Variants in IL10RA observed in about 807,000 individuals in gnomAD.
IL10RA encodes interleukin 10 receptor subunit alpha.
Under a neutral mutation model 29.6 loss-of-function variants are expected in IL10RA, and 18 were observed. That is an observed-to-expected ratio of 0.61 (90% CI 0.42 to 0.90). The LOEUF is 0.90. Among genes scored for constraint, IL10RA ranks in the 40% least tolerant of loss-of-function variants. The pLI, the probability that IL10RA is intolerant of heterozygous loss-of-function variation, is 0.00. For missense variants in IL10RA, 634 were observed against 716.6 expected, an observed-to-expected ratio of 0.88 and a Z score of 1.32; for synonymous variants, 292 against 294.1, an observed-to-expected ratio of 0.99 and a Z score of 0.07.
intron 6 of IL10RA, among the ~76,000 whole-genome samples, chr11:117,996,833 T>TC (rs1470879191): frequency 3.3e-5 from 5 of 152,212 alleles, no homozygotes; most frequent in African/African-American, 1.2e-4. Flanking sequence ...TATGCCCACC[T>TC]CGGCCTCCCA....
rs202121581 is a variant in IL10RA, at chr11:117,995,685, G to A, written c.785G>A (p.Arg262His). 103 of 1,613,732 alleles carry A rather than the reference G, an allele frequency of 6.4e-5. No individual in the cohort carries two copies. Among genetic ancestry groups the A allele is most frequent in the Non-Finnish European group, 7.7e-5 (91 of 1,180,036 alleles). The change falls in exon 6 of 7, where the codon CGC becomes CAC. Residue 262 changes from arginine to histidine, a missense_variant. By Grantham distance (29) the Arg-to-His change is conservative. Coordinates refer to ENST00000227752, the MANE Select transcript of IL10RA (RefSeq NM_001558.4). ...YCLALQLYVR[R>H]RKKLPSVLLF... ...CTGGCCCTCCAGCTGTATGTGCGGC[G>A]CCGAAAGAAGCTACCCAGTGTCCTG...
intron 5 of IL10RA, among the ~76,000 whole-genome samples, chr11:117,994,630 G>T (rs980914297): frequency 6.6e-6 from 1 of 152,206 alleles, no homozygotes; most frequent in African/African-American, 2.4e-5. Flanking sequence ...GGGGCTGTAG[G>T]GGGAGGGAGA....
intron 1 of IL10RA, 36 bp from the exon 2 acceptor site, chr11:117,988,346 C>G: frequency 6.2e-7 from 1 of 1,613,648 alleles, no homozygotes. Flanking sequence ...TGCCTGCCCC[C>G]CCTCCCAGCT....
At chr11:117,993,581 G>C (rs1202290255) in intron 4 of IL10RA, among the ~76,000 whole-genome samples, 171 bp downstream of exon 4, 1 of 152,204 alleles carries the variant, frequency 6.6e-6, no homozygotes, top group Non-Finnish European at 1.5e-5. Flanking sequence ...TCAGAGCTAT[G>C]CTCTTGTGAG....
At chr11:117,994,248 G>A in intron 5 of IL10RA, 99 bp downstream of exon 5, 2 of 991,972 alleles carry the variant, frequency 2.0e-6, no homozygotes, top group Non-Finnish European at 3.1e-6. Flanking sequence ...CAGCCACTGT[G>A]TTAGGTGCTG....
In IL10RA at chr11:117,989,493, C is replaced by G; in HGVS notation, c.240C>G (p.Ser80=). ...NSISNCSQTL[S]YDLTAVTLDL... ...TCTCCAACTGTAGCCAGACCCTGTC[C>G]TATGACCTTACCGCAGTGACCTTGG... The change falls in exon 3 of 7, where the codon TCC becomes TCG. Residue 80 remains serine, a synonymous_variant. Coordinates refer to ENST00000227752, the MANE Select transcript of IL10RA (RefSeq NM_001558.4). The surrounding 1 kb of genome is among the most constrained non-coding windows in gnomAD (Gnocchi z 4.5). 6.2e-7 allele frequency: 1 copy of G among 1,614,200 alleles called. No homozygotes were observed. The highest frequency in any genetic ancestry group is 8.5e-7 in the Non-Finnish European group (1 of 1,180,022).
rs1263659236 is a variant in IL10RA, at chr11:118,000,475, T to C, written c.*834T>C. ...CAACTTCCAGAGAAGCCATGGTTTTTTGTATTGGTCATAACTCAGCCCTTT... is the reference window on the plus strand; with the variant it reads ...CAACTTCCAGAGAAGCCATGGTTTTCTGTATTGGTCATAACTCAGCCCTTT... On this transcript the variant is annotated 3_prime_UTR_variant, in exon 7 of 7. Coordinates refer to ENST00000227752, the MANE Select transcript of IL10RA (RefSeq NM_001558.4). The C allele has an allele frequency of 2.2e-6, 1 of 454,300 alleles. No individual in the cohort carries two copies. The highest frequency in any genetic ancestry group is 6.9e-5 in the East Asian group (1 of 14,524). The allele number at this position is 454,300 out of a possible 1,614,324, so 28.1% of individuals were successfully genotyped here. A position where few individuals can be genotyped will look rare whatever the true frequency, so the allele number is the denominator to read the frequency against.
chr11:117,998,504 A>G lies in IL10RA; in HGVS notation c.811-211A>G, dbSNP rs4252288. Among the ~76,000 whole-genome samples the G allele has an allele frequency of 6.1e-3, 924 of 152,336 alleles. 8 individuals are homozygous for G. The highest frequency in any genetic ancestry group is 0.021 in the African/African-American group (884 of 41,564). ...TGTTACTCCATCTGGGCCTGAGAAT[A>G]CAAGTTTCTTGTGTATCTGGCCTGA... On this transcript the variant is annotated intron_variant, in intron 6 of 6. Coordinates refer to ENST00000227752, the MANE Select transcript of IL10RA (RefSeq NM_001558.4).
chr11:118,000,915 T>A lies in IL10RA; in HGVS notation c.*1274T>A. 2.2e-6 allele frequency: 1 copy of A among 454,228 alleles called. No individual in the cohort carries two copies. Among genetic ancestry groups the A allele is most frequent in the Non-Finnish European group, 4.4e-6 (1 of 226,786 alleles). 28.1% of individuals were successfully genotyped at this position (454,228 alleles called of 1,614,324 possible). A position where few individuals can be genotyped will look rare whatever the true frequency, so the allele number is the denominator to read the frequency against. ...GGGCATTATGGGCCCTGCCTCCCCA[T>A]AGGCCATTTGGACTCTGCCTTCAAA... is the stretch of plus-strand genomic sequence containing the variant. On this transcript the variant is annotated 3_prime_UTR_variant, in exon 7 of 7. Coordinates refer to ENST00000227752, the MANE Select transcript of IL10RA (RefSeq NM_001558.4).
intron 5 of IL10RA, among the ~76,000 whole-genome samples, chr11:117,994,644 T>C (rs1000683678): frequency 1.3e-5 from 2 of 152,146 alleles, no homozygotes; most frequent in Non-Finnish European, 2.9e-5. Flanking sequence ...AGGGAGATAA[T>C]AGAGGACATG....
intron 1 of IL10RA, chr11:117,987,977 C>T: frequency 3.4e-6 from 1 of 291,414 alleles, no homozygotes; most frequent in Non-Finnish European, 6.8e-6. Flanking sequence ...CTGGGCCAAG[C>T]CAGGGTGGGG....
rs1330714604 is a variant in IL10RA at position 117,989,749 on chromosome 11, TGCCCAAACAGG to T, written c.367+132_367+142del. The T allele has an allele frequency of 1.1e-6, 1 of 948,290 alleles. No homozygotes were observed. Among genetic ancestry groups the T allele is most frequent in the African/African-American group, 1.6e-5 (1 of 61,716 alleles). 58.7% of individuals were successfully genotyped at this position (948,290 alleles called of 1,614,324 possible). A position where few individuals can be genotyped will look rare whatever the true frequency, so the allele number is the denominator to read the frequency against. On this transcript the variant is annotated intron_variant, in intron 3 of 6. Transcript: ENST00000227752. This position sits in a 1 kb window ranked among gnomAD's most constrained non-coding sequence, Gnocchi z 4.5. The stretch of plus-strand genomic sequence containing the variant: ...CAGCCTCCCTGGCCGGAGAACTAGT[TGCCCAAACAGG>T]GCAGGACTTTGGAGAATGTTAGATA...
At chr11:117,991,272 CAAGT>C (rs1448465627) in intron 3 of IL10RA, among the ~76,000 whole-genome samples, 3 of 152,040 alleles carry the variant, frequency 2.0e-5, no homozygotes, top group Non-Finnish European at 4.4e-5. Flanking sequence ...TTTTAATTGA[CAAGT>C]AATAATTCTA....
chr11:117,986,619 GC>G (rs2057988522), intron 1 of IL10RA, 85 bp downstream of exon 1: 1 of 1,543,112 alleles, frequency 6.5e-7, no homozygotes. Context: ...GAGAGCCCTG[GC>G]TGGCTGGCCC....
In IL10RA at chr11:117,989,395, G is replaced by A. The variant is rs564625375; in HGVS notation, c.189-47G>A. 1.3e-6 allele frequency: 2 copies of A among 1,557,640 alleles called. No individual in the cohort carries two copies. The highest frequency in any genetic ancestry group is 2.2e-5 in the East Asian group (1 of 44,596). On this transcript the variant is annotated intron_variant, in intron 2 of 6. Coordinates refer to ENST00000227752, the MANE Select transcript of IL10RA (RefSeq NM_001558.4). The surrounding 1 kb of genome is among the most constrained non-coding windows in gnomAD (Gnocchi z 4.5). ...CTTGCGTCTCCCTTAAAGGAGGTAG[G>A]ATTGAGCACAAGCTCGTTTCCAGTG...
Position 117,986,745 on chromosome 11 carries a change from T to C in IL10RA, c.67+211T>C, listed in dbSNP as rs1456760530. On this transcript the variant is annotated intron_variant, in intron 1 of 6. Transcript: ENST00000227752. ...ACAGGAACTGACGGATTGGGAAGGATAGAGAAGTATGCGCAAGGCCAAACC... is the reference window on the plus strand; with the variant it reads ...ACAGGAACTGACGGATTGGGAAGGACAGAGAAGTATGCGCAAGGCCAAACC... The C allele has an allele frequency of 9.1e-6, 14 of 1,532,706 alleles. No individual in the cohort carries two copies. In the East Asian group the frequency reaches 3.2e-4, roughly 35 times the overall value. 94.9% of individuals were successfully genotyped at this position (1,532,706 alleles called of 1,614,324 possible). A position where few individuals can be genotyped will look rare whatever the true frequency, so the allele number is the denominator to read the frequency against.
chr11:117,991,455 A>G (rs2058021663), intron 3 of IL10RA, among the ~76,000 whole-genome samples: 1 of 152,148 alleles, frequency 6.6e-6, no homozygotes, highest in African/African-American at 2.4e-5. Context: ...GTCCATTATT[A>G]TTACTACAGT....
At chr11:117,992,960 A>G (rs2058033039) in intron 3 of IL10RA, 2 of 460,236 alleles carry the variant, frequency 4.3e-6, no homozygotes, top group Non-Finnish European at 8.0e-6. Flanking sequence ...TTCTTTTCCC[A>G]TTGTGTGTTC....
chr11:117,999,376 C>T lies in IL10RA; in HGVS notation c.1472C>T (p.Ala491Val). ...LVDEAGLHPPALAKGYLKQDP... is the reference protein window; with the variant it reads ...LVDEAGLHPPVLAKGYLKQDP... ...GATGAGGCAGGCTTGCATCCACCAGCCCTGGCCAAGGGCTATTTGAAACAG... is the reference window on the plus strand; with the variant it reads ...GATGAGGCAGGCTTGCATCCACCAGTCCTGGCCAAGGGCTATTTGAAACAG... The change falls in exon 7 of 7, where the codon GCC becomes GTC. Residue 491 changes from alanine to valine, a missense_variant. Coordinates refer to ENST00000227752, the MANE Select transcript of IL10RA (RefSeq NM_001558.4). The T allele has an allele frequency of 1.9e-6, 3 of 1,614,192 alleles. No homozygotes were observed. The highest frequency in any genetic ancestry group is 8.5e-7 in the Non-Finnish European group (1 of 1,180,042).
Sources: gnomAD v4.1 joint callset for allele counts (sites outside exome capture counted in the v4.1 genomes callset) on GRCh38, gnomAD v4.1.1 for gene constraint, Gnocchi (gnomAD v3.1) non-coding constraint, MANE v1.5 for transcripts, NCBI Gene and HGNC (gene_info 2026-07-23, HGNC 2026-07-21) for gene names.